Variants in FHIT observed in about 807,000 individuals in gnomAD.
FHIT encodes fragile histidine triad diadenosine triphosphatase.
Under a neutral mutation model 17.9 loss-of-function variants are expected in FHIT, and 19 were observed. The observed-to-expected ratio is 1.06, with a 90% CI of 0.74 to 1.56. The LOEUF (loss-of-function observed/expected upper bound fraction) is 1.56. FHIT is among the 40% of genes most tolerant of loss of function. FHIT has a pLI of 0.00. For missense variants in FHIT, 248 were observed against 189.2 expected (o/e 1.31, Z -1.82); for synonymous variants, 81 against 69.7 (o/e 1.16, Z -0.81).
chr3:60,778,932 T>G (rs1700292647), intron 4 of FHIT, among the ~76,000 whole-genome samples: 1 of 152,144 alleles, frequency 6.6e-6, no homozygotes, highest in African/African-American at 2.4e-5. Flanking sequence ...GAATGTCACT[T>G]TCTAGCAGGT....
intron 2 of FHIT, among the ~76,000 whole-genome samples, chr3:61,103,798 C>A (rs1226158425): frequency 6.6e-6 from 1 of 151,982 alleles, no homozygotes; most frequent in East Asian, 1.9e-4. Flanking sequence ...GATTCCTTTG[C>A]CATTATGTAA....
chr3:59,807,697 C>A (rs1311304326), intron 8 of FHIT, among the ~76,000 whole-genome samples: 1 of 151,990 alleles, frequency 6.6e-6, no homozygotes, highest in African/African-American at 2.4e-5. Flanking sequence ...GGAGGGTACC[C>A]AGGATCAGGG....
intron 5 of FHIT, among the ~76,000 whole-genome samples, chr3:60,145,336 C>G (rs1700196885): frequency 6.6e-6 from 1 of 152,148 alleles, no homozygotes. Context: ...TATGTACAAG[C>G]TTCACCACTT....
intron 5 of FHIT, among the ~76,000 whole-genome samples, chr3:60,324,664 T>C (rs1049945107): frequency 4.0e-5 from 6 of 151,838 alleles, no homozygotes; most frequent in Non-Finnish European, 5.9e-5. Context: ...ATGCTAAGCA[T>C]GGTTATGAAC....
intron 5 of FHIT, among the ~76,000 whole-genome samples, chr3:60,057,047 A>T (rs1702110640): frequency 2.6e-5 from 4 of 152,068 alleles, no homozygotes; most frequent in Admixed American, 2.6e-4. Context: ...AGAGGAACAC[A>T]TCCACTATTA....
chr3:60,289,136 G>A (rs1244663110), intron 5 of FHIT, among the ~76,000 whole-genome samples: 1 of 152,108 alleles, frequency 6.6e-6, no homozygotes, highest in African/African-American at 2.4e-5. Context: ...GAAAGAGGAG[G>A]AAAGAAGAAT....
intron 3 of FHIT, among the ~76,000 whole-genome samples, chr3:60,850,776 G>A (rs1703124221): frequency 6.6e-6 from 1 of 151,986 alleles, no homozygotes; most frequent in Non-Finnish European, 1.5e-5. Flanking sequence ...TTTCAGATGA[G>A]GTGTCTTTAT....
chr3:60,065,475 G>A (rs560289514), intron 5 of FHIT, among the ~76,000 whole-genome samples: 1 of 152,244 alleles, frequency 6.6e-6, no homozygotes, highest in Non-Finnish European at 1.5e-5. Context: ...GTAACTCTCT[G>A]TAATTATGCT....
At chr3:60,183,409 C>T (rs1702027106) in intron 5 of FHIT, among the ~76,000 whole-genome samples, 1 of 152,022 alleles carries the variant, frequency 6.6e-6, no homozygotes, top group African/African-American at 2.4e-5. Context: ...AACAAAGAAA[C>T]AAATAAACAA....
chr3:60,149,727 G>C (rs1700378547), intron 5 of FHIT, among the ~76,000 whole-genome samples: 2 of 151,830 alleles, frequency 1.3e-5, no homozygotes, highest in African/African-American at 4.8e-5. Flanking sequence ...CCTTAGACAT[G>C]AAGAATGTGC....
chr3:60,853,964 C>T (rs1166763311), intron 3 of FHIT, among the ~76,000 whole-genome samples: 4 of 152,020 alleles, frequency 2.6e-5, no homozygotes, highest in Admixed American at 6.6e-5. Flanking sequence ...TAATTTGAGT[C>T]CTGATTACCT....
At chr3:60,180,930 A>G (rs1391262835) in intron 5 of FHIT, among the ~76,000 whole-genome samples, 1 of 152,062 alleles carries the variant, frequency 6.6e-6, no homozygotes, top group Non-Finnish European at 1.5e-5. Context: ...CTAAGTAAGC[A>G]TTTACTTATA....
rs112349144 is a variant in FHIT, at chr3:59,928,313, G to A, written c.280-5899C>T. ...AATGAATTAAGGTTATTAAGCAGCT[G>A]ACCTTAAGATTGGCAGAGGTATCAT... On this transcript the variant is annotated intron_variant, in intron 7 of 9. Transcript: ENST00000492590. 3.3e-3 allele frequency among the ~76,000 whole-genome samples: 505 copies of A among 152,346 alleles called. 2 individuals carry two copies. The highest frequency in any genetic ancestry group is 0.011 in the African/African-American group (457 of 41,582).
In FHIT at chr3:60,129,042, CTTTTTTGTTTGTTT is replaced by C. The variant is rs1389928828; in HGVS notation, c.104-114904_104-114891del. Reference sequence around the variant, plus strand: ...ACTTAATTTTCCCTTTTCTTCTTTCCTTTTTTGTTTGTTTTTTTTTTTTTTTTTGAAACAGAGTC... The same window carrying C: ...ACTTAATTTTCCCTTTTCTTCTTTCCTTTTTTTTTTTTTTGAAACAGAGTC... On this transcript the variant is annotated intron_variant, in intron 5 of 9. Transcript: ENST00000492590. Among the ~76,000 whole-genome samples, 591 of 113,054 alleles carry C rather than the reference CTTTTTTGTTTGTTT, an allele frequency of 5.2e-3. 10 individuals are homozygous for C. Among genetic ancestry groups the C allele is most frequent in the African/African-American group, 0.019 (550 of 29,330 alleles). The allele number at this position is 113,054 out of a possible 152,430, so 74.2% of individuals were successfully genotyped here.
chr3:60,344,455 A>T (rs914498161), intron 5 of FHIT, among the ~76,000 whole-genome samples: 4 of 152,218 alleles, frequency 2.6e-5, no homozygotes, highest in African/African-American at 9.6e-5. Flanking sequence ...TGTTGGAAAC[A>T]GATTGAGAAA....
At chr3:60,426,369 G>A (rs12493462) in intron 5 of FHIT, among the ~76,000 whole-genome samples, 19,491 of 152,142 alleles carry the variant, frequency 0.13, 1,526 homozygotes, top group Admixed American at 0.25. Context: ...TTTAAGCAGT[G>A]ACGGATGATA....
At chr3:61,188,573 C>A (rs1026266570) in intron 2 of FHIT, among the ~76,000 whole-genome samples, 1 of 152,226 alleles carries the variant, frequency 6.6e-6, no homozygotes, top group Non-Finnish European at 1.5e-5. Context: ...TCCTCCCTAA[C>A]TCATTTTATG....
intron 4 of FHIT, among the ~76,000 whole-genome samples, chr3:60,818,706 G>A (rs1553738383): frequency 6.6e-6 from 1 of 152,040 alleles, no homozygotes; most frequent in East Asian, 1.9e-4. Context: ...CAGAAATTTG[G>A]GTAGTGTTTA....
intron 3 of FHIT, among the ~76,000 whole-genome samples, chr3:60,929,907 C>G (rs1488254994): frequency 6.6e-6 from 1 of 152,178 alleles, no homozygotes; most frequent in African/African-American, 2.4e-5. Flanking sequence ...ATTGCCAAGT[C>G]AATCCTAAGC....
Sources: gnomAD v4.1 joint callset for allele counts (sites outside exome capture counted in the v4.1 genomes callset) on GRCh38, gnomAD v4.1.1 for gene constraint, MANE v1.5 for transcripts, NCBI Gene and HGNC (gene_info 2026-07-23, HGNC 2026-07-21) for gene names.